Variants in RGS3 observed in about 807,000 individuals in gnomAD.
The protein encoded by RGS3 is regulator of G-protein signalling 3.
Under a neutral mutation model 132.6 loss-of-function variants are expected in RGS3, and 80 were observed. The observed-to-expected ratio is 0.60, with a 90% confidence interval of 0.50 to 0.73. The LOEUF is 0.73. Ranked by LOEUF, RGS3 falls within the 30% of genes least tolerant of loss-of-function variation. RGS3 has a pLI of 0.00. For missense variants in RGS3, 1,382 were observed against 1,530.8 expected (o/e 0.90, Z 1.62); for synonymous variants, 598 against 620.6 (o/e 0.96, Z 0.54).
intron 19 of RGS3, among the ~76,000 whole-genome samples, chr9:113,566,620 C>A (rs1044215118): frequency 1.3e-5 from 2 of 152,212 alleles, no homozygotes; most frequent in African/African-American, 4.8e-5. Context: ...ATGTGGGAAA[C>A]CATTTCCCTG....
At chr9:113,534,203 G>A (rs1832588556) in intron 18 of RGS3, among the ~76,000 whole-genome samples, 1 of 152,186 alleles carries the variant, frequency 6.6e-6, no homozygotes, top group South Asian at 2.1e-4. Flanking sequence ...GCTGCTTCTG[G>A]AACAGCTTCT....
Position 113,565,048 on chromosome 9 carries a change from AG to A in RGS3, c.2038-18399del. On this transcript the variant is annotated intron_variant, in intron 19 of 24. Coordinates refer to ENST00000350696, the Ensembl canonical transcript of RGS3. This position sits in a 1 kb window ranked among gnomAD's most constrained non-coding sequence, Gnocchi z 5.7. ...GGATGTGTGTGGGGTGGAGCCTGCT[AG>A]GGATCCCAGTGCCAGGGGGTGCCGT... 1 of 1,128,126 alleles carries A rather than the reference AG, an allele frequency of 8.9e-7. No homozygotes were observed. The highest frequency in any genetic ancestry group is 1.1e-6 in the Non-Finnish European group (1 of 909,752). The allele number at this position is 1,128,126 out of a possible 1,614,324, so 69.9% of individuals were successfully genotyped here. A position where few individuals can be genotyped will look rare whatever the true frequency, so the allele number is the denominator to read the frequency against.
rs376250181 is a variant in RGS3, at chr9:113,497,302, C to T, written c.751-12C>T. The T allele has an allele frequency of 2.5e-6, 4 of 1,607,260 alleles. No individual in the cohort carries two copies. The highest frequency in any genetic ancestry group is 2.2e-5 in the South Asian group (2 of 90,894). ...CCTGTGTCTGAGCGTGCCATTCCTT[C>T]TCTCGTGACAGGAGATCAGTGGTTG... On this transcript the variant is annotated splice_polypyrimidine_tract_variant and intron_variant, in intron 8 of 24. Coordinates refer to ENST00000350696, the Ensembl canonical transcript of RGS3.
intron 10 of RGS3, chr9:113,501,650 T>C (rs1445713186): frequency 1.3e-6 from 2 of 1,556,592 alleles, no homozygotes; most frequent in South Asian, 2.4e-5. Flanking sequence ...TGGCCTCTTG[T>C]GGGGAGCCTG....
Position 113,531,070 on chromosome 9 carries a change from C to G in RGS3, c.1914+1806C>G, listed in dbSNP as rs1832441018. 3.3e-5 allele frequency among the ~76,000 whole-genome samples: 5 copies of G among 152,214 alleles called. No homozygotes were observed. The South Asian group carries it at 1.0e-3, about 32-fold the overall frequency. Reference sequence around the variant, plus strand: ...TTTTTGACTCTGTATTGAGAAAGGCCCAATTGCCTGGGTGATGGCAGCTCT... The same window carrying G: ...TTTTTGACTCTGTATTGAGAAAGGCGCAATTGCCTGGGTGATGGCAGCTCT... On this transcript the variant is annotated intron_variant, in intron 18 of 24. Transcript: ENST00000350696.
At position 113,445,459 on chromosome 9, in the gene RGS3, A is replaced by G. The variant is rs184593188; in HGVS notation, c.-13+532A>G. Among the ~76,000 whole-genome samples, 67 of 152,074 alleles carry G rather than the reference A, an allele frequency of 4.4e-4. 1 individual carries two copies. Among genetic ancestry groups the G allele is most frequent in the Admixed American group, 4.3e-3 (65 of 15,290 alleles). On this transcript the variant is annotated intron_variant, in intron 1 of 25. Transcript: ENST00000374140. ...GTGATCTGCCCACCTCGGCCTCCCA[A>G]AGTGCTGGGATTACAGGTGTGAGCC...
At chr9:113,477,366 G>A (rs536766998) in intron 3 of RGS3, among the ~76,000 whole-genome samples, 3 of 152,318 alleles carry the variant, frequency 2.0e-5, no homozygotes, top group South Asian at 4.1e-4. Flanking sequence ...GATGGATGAC[G>A]GGCTGGACCA....
chr9:113,543,875 T>C (rs1833001061), intron 19 of RGS3, among the ~76,000 whole-genome samples: 1 of 152,230 alleles, frequency 6.6e-6, no homozygotes, highest in Non-Finnish European at 1.5e-5. Flanking sequence ...CAGTTCCTGG[T>C]GGGCCCTGGG....
chr9:113,522,700 C>G (rs1312423302), intron 16 of RGS3: 3 of 538,080 alleles, frequency 5.6e-6, no homozygotes, highest in East Asian at 3.1e-5. Context: ...TTTTTTCCTA[C>G]TTTGAGGAGT....
chr9:113,521,235 A>T lies in RGS3; in HGVS notation c.1759-1695A>T, dbSNP rs151091351. ...CATTGGAGAAGCCAAAGCCCCTGAG[A>T]GCTCCTTCAAGGACGTCTCCCTGTT... On this transcript the variant is annotated intron_variant, in intron 16 of 24. Coordinates refer to ENST00000350696, the Ensembl canonical transcript of RGS3. 2.0e-3 allele frequency among the ~76,000 whole-genome samples: 297 copies of T among 152,264 alleles called. 5 individuals are homozygous for T. The East Asian group carries it at 0.048, about 25-fold the overall frequency.
chr9:113,592,685 G>C (rs1272015355), intron 21 of RGS3: 1 of 152,100 alleles, frequency 6.6e-6, no homozygotes, highest in African/African-American at 2.4e-5. Context: ...TGGGGGTTTT[G>C]CCATGTTGGC....
intron 14 of RGS3, 119 bp downstream of exon 12, chr9:113,508,699 A>G (rs1831261201): frequency 1.1e-6 from 1 of 940,928 alleles, no homozygotes; most frequent in Admixed American, 1.9e-5. Context: ...CAGGTCACTT[A>G]GCCTATCGAC....
At chr9:113,453,836 A>C (rs573853136) in intron 1 of RGS3, among the ~76,000 whole-genome samples, 2 of 150,450 alleles carry the variant, frequency 1.3e-5, no homozygotes, top group South Asian at 2.1e-4. Flanking sequence ...TCTTTACTTC[A>C]CATACTCTTT....
chr9:113,552,652 C>T (rs1468749453), intron 19 of RGS3, among the ~76,000 whole-genome samples: 1 of 152,094 alleles, frequency 6.6e-6, no homozygotes, highest in Non-Finnish European at 1.5e-5. Context: ...TTATCTTCTC[C>T]CTGCCCCTCC....
At chr9:113,526,185 G>C (rs1369331359) in intron 17 of RGS3, among the ~76,000 whole-genome samples, 1 of 152,228 alleles carries the variant, frequency 6.6e-6, no homozygotes, top group Non-Finnish European at 1.5e-5. Context: ...AAGTGGCCTG[G>C]AAATGTTTTG....
At position 113,463,926 on chromosome 9, in the gene RGS3, T is replaced by C; in HGVS notation, c.415+1725T>C. 1 of 1,598,218 alleles carries C rather than the reference T, an allele frequency of 6.3e-7. No homozygotes were observed. The highest frequency in any genetic ancestry group is 8.6e-7 in the Non-Finnish European group (1 of 1,168,732). The stretch of plus-strand genomic sequence containing the variant: ...GGCGGCAGGGGCTGCTTCACCCTGC[T>C]CCCAGCGCCCAGAAACGCAGCCCCT... On this transcript the variant is annotated intron_variant, in intron 3 of 24. Transcript: ENST00000350696. The surrounding 1 kb of genome is among the most constrained non-coding windows in gnomAD (Gnocchi z 4.6).
intron 19 of RGS3, chr9:113,582,798 G>A (rs1207008466): frequency 6.6e-6 from 1 of 152,320 alleles, no homozygotes; most frequent in African/African-American, 2.4e-5. Context: ...CCCTGGGTGG[G>A]TGATTCTTCA....
intron 10 of RGS3, chr9:113,501,470 G>T: frequency 6.6e-7 from 1 of 1,505,652 alleles, no homozygotes; most frequent in Non-Finnish European, 8.9e-7. Flanking sequence ...TCTGTGGGGC[G>T]GGCTTCCCAG....
intron 24 of RGS3, among the ~76,000 whole-genome samples, chr9:113,596,002 G>C (rs551031014): frequency 6.6e-6 from 1 of 152,258 alleles, no homozygotes; most frequent in Non-Finnish European, 1.5e-5. Context: ...AGCCCTTTAT[G>C]TATGCGTTCT....
Sources: gnomAD v4.1 joint callset for allele counts (sites outside exome capture counted in the v4.1 genomes callset) on GRCh38, gnomAD v4.1.1 for gene constraint, Gnocchi (gnomAD v3.1) non-coding constraint, MANE v1.5 for transcripts, NCBI Gene and HGNC (gene_info 2026-07-23, HGNC 2026-07-21) for gene names.